The following GRM3 variants were observed in gnomAD, a reference collection of about 807,000 sequenced individuals.
The protein encoded by GRM3 is metabotropic glutamate receptor 3.
A neutral mutation model predicts 70.5 loss-of-function variants in GRM3; 26 were observed. The observed-to-expected ratio is 0.37, with a 90% CI of 0.27 to 0.51. The LOEUF (loss-of-function observed/expected upper bound fraction) is 0.51. Among genes scored for constraint, GRM3 ranks in the 20% least tolerant of loss-of-function variants. The pLI is 0.93. For missense variants in GRM3, 859 were observed against 1,123.8 expected, an observed-to-expected ratio of 0.76 and a Z score of 3.37; for synonymous variants, 443 against 434.9, an observed-to-expected ratio of 1.02 and a Z score of -0.23.
intron 1 of GRM3, among the ~76,000 whole-genome samples, chr7:86,677,134 C>G (rs1003521471): frequency 3.9e-5 from 6 of 151,964 alleles, no homozygotes; most frequent in Non-Finnish European, 8.8e-5. Flanking sequence ...TTTATTATCC[C>G]TGAGTCTTCA....
At chr7:86,719,483 T>C (rs1795403714) in intron 1 of GRM3, among the ~76,000 whole-genome samples, 2 of 152,058 alleles carry the variant, frequency 1.3e-5, no homozygotes, top group African/African-American at 2.4e-5. Flanking sequence ...TATTGTGCAA[T>C]GTAATAAATG....
intron 1 of GRM3, among the ~76,000 whole-genome samples, chr7:86,733,235 A>T (rs978044466): frequency 1.3e-5 from 2 of 150,840 alleles, no homozygotes; most frequent in East Asian, 3.9e-4. Flanking sequence ...AATGGCAGGA[A>T]CCCAGGAGGT....
chr7:86,796,412 A>C (rs1797551517), intron 3 of GRM3, among the ~76,000 whole-genome samples: 1 of 152,136 alleles, frequency 6.6e-6, no homozygotes, highest in Non-Finnish European at 1.5e-5. Context: ...ATTCTGTTCC[A>C]TTGGTCCATG....
chr7:86,805,491 A>G (rs1797771354), intron 3 of GRM3, among the ~76,000 whole-genome samples: 1 of 152,114 alleles, frequency 6.6e-6, no homozygotes, highest in Non-Finnish European at 1.5e-5. Flanking sequence ...TTTGTTATGC[A>G]TTCTATATGT....
Position 86,824,384 on chromosome 7 carries a change from C to T in GRM3, c.1325-14455C>T, listed in dbSNP as rs114521081. 2.6e-3 allele frequency among the ~76,000 whole-genome samples: 396 copies of T among 152,312 alleles called. 1 individual carries two copies. Among genetic ancestry groups the T allele is most frequent in the African/African-American group, 9.3e-3 (387 of 41,554 alleles). On this transcript the variant is annotated intron_variant, in intron 3 of 5. Transcript: ENST00000361669. ...GCTCCTGTCCAAAATTCTTTCTGCACTGAGATATCAGATCCCATCATCAAT... is the reference window on the plus strand; with the variant it reads ...GCTCCTGTCCAAAATTCTTTCTGCATTGAGATATCAGATCCCATCATCAAT...
At chr7:86,775,072 A>G (rs903751619) in intron 2 of GRM3, 1 of 152,156 alleles carries the variant, frequency 6.6e-6, no homozygotes, top group African/African-American at 2.4e-5. Context: ...ATAAATGCAG[A>G]TAATCCAGAA....
chr7:86,799,811 G>A (rs949530773), intron 3 of GRM3, among the ~76,000 whole-genome samples: 2 of 152,194 alleles, frequency 1.3e-5, no homozygotes, highest in Non-Finnish European at 2.9e-5. Context: ...TTACAGGCGT[G>A]AGCCACCATG....
intron 1 of GRM3, among the ~76,000 whole-genome samples, chr7:86,686,784 G>A (rs114799887): frequency 0.013 from 2,045 of 151,662 alleles, 38 homozygotes; most frequent in African/African-American, 0.047. Flanking sequence ...TAAAAGAAAC[G>A]CAAAAAATAG....
At chr7:86,730,085 G>C (rs1795693129) in intron 1 of GRM3, among the ~76,000 whole-genome samples, 2 of 150,946 alleles carry the variant, frequency 1.3e-5, no homozygotes, top group African/African-American at 4.9e-5. Flanking sequence ...TTGCACTCCA[G>C]CCTGGGCAAA....
At position 86,829,408 on chromosome 7, in the gene GRM3, T is replaced by C. The variant is rs534283396; in HGVS notation, c.1325-9431T>C. ...TAATTTCCTTCAAGAACTTTTCTTT[T>C]GCATTCACAACTTGCTTAACTGGTG... On this transcript the variant is annotated intron_variant, in intron 3 of 5. Transcript: ENST00000361669. Among the ~76,000 whole-genome samples, 4 of 152,370 alleles carry C rather than the reference T, an allele frequency of 2.6e-5. No homozygotes were observed. The South Asian group carries it at 8.3e-4, about 32-fold the overall frequency.
At chr7:86,714,557 T>A (rs78517156) in intron 1 of GRM3, among the ~76,000 whole-genome samples, 4,664 of 152,092 alleles carry the variant, frequency 0.031, 91 homozygotes, top group East Asian at 0.063. Flanking sequence ...AAGTCCAGAA[T>A]ATAATACATC....
intron 1 of GRM3, among the ~76,000 whole-genome samples, chr7:86,687,481 G>GA (rs1374095995): frequency 7.5e-6 from 1 of 133,730 alleles, no homozygotes; most frequent in African/African-American, 2.5e-5. Context: ...ATTCCTGAAA[G>GA]AAAAAAATAA....
At chr7:86,658,444 T>A (rs1232711699) in intron 1 of GRM3, among the ~76,000 whole-genome samples, 1 of 152,126 alleles carries the variant, frequency 6.6e-6, no homozygotes, top group Non-Finnish European at 1.5e-5. Context: ...ACTGGTCCAC[T>A]CCAACCCCTT....
At chr7:86,733,599 G>A (rs1174485915) in intron 1 of GRM3, among the ~76,000 whole-genome samples, 1 of 152,176 alleles carries the variant, frequency 6.6e-6, no homozygotes, top group Non-Finnish European at 1.5e-5. Context: ...GGAGTAGGAA[G>A]ACTTATAAGG....
chr7:86,831,894 A>G (rs1798360814), intron 3 of GRM3, among the ~76,000 whole-genome samples: 2 of 151,758 alleles, frequency 1.3e-5, no homozygotes, highest in South Asian at 4.2e-4. Context: ...CACACGTAAG[A>G]CTGAGTACTG....
intron 1 of GRM3, among the ~76,000 whole-genome samples, chr7:86,646,636 G>C (rs1793479608): frequency 6.6e-6 from 1 of 151,956 alleles, no homozygotes; most frequent in Non-Finnish European, 1.5e-5. Context: ...ATAAAACTGT[G>C]GTTTTATGAG....
chr7:86,678,135 T>C (rs1158314095), intron 1 of GRM3, among the ~76,000 whole-genome samples: 1 of 152,016 alleles, frequency 6.6e-6, no homozygotes, highest in African/African-American at 2.4e-5. Context: ...AAAAATGAAG[T>C]ATATTAGACT....
chr7:86,687,802 G>A (rs559683329), intron 1 of GRM3, among the ~76,000 whole-genome samples: 12 of 151,812 alleles, frequency 7.9e-5, no homozygotes, highest in South Asian at 6.2e-4. Flanking sequence ...ACAAAAGGTC[G>A]AAAGGGAATG....
chr7:86,768,142 A>C (rs1796652644), intron 2 of GRM3, among the ~76,000 whole-genome samples: 1 of 152,184 alleles, frequency 6.6e-6, no homozygotes, highest in Admixed American at 6.6e-5. Flanking sequence ...TTAATCTGTA[A>C]AATGAAGAAA....
Sources: gnomAD v4.1 joint callset for allele counts (sites outside exome capture counted in the v4.1 genomes callset) on GRCh38, gnomAD v4.1.1 for gene constraint, MANE v1.5 for transcripts, NCBI Gene and HGNC (gene_info 2026-07-23, HGNC 2026-07-21) for gene names.